L3MBTL3: variants seen among roughly 807,000 people sequenced by gnomAD.
L3MBTL3 encodes the protein lethal(3)malignant brain tumor-like protein 3.
Under a neutral mutation model 102.3 loss-of-function variants are expected in L3MBTL3, and 27 were observed. The ratio of observed to expected loss-of-function variants is 0.26; its 90% CI spans 0.19 to 0.36. The LOEUF is 0.36. Among genes scored for constraint, L3MBTL3 ranks in the 10% least tolerant of loss-of-function variants. The pLI, the probability that L3MBTL3 is intolerant of heterozygous loss-of-function variation, is 1.00. For missense variants in L3MBTL3, 798 were observed against 955.3 expected, an observed-to-expected ratio of 0.84 and a Z score of 2.17; for synonymous variants, 340 against 320.9, an observed-to-expected ratio of 1.06 and a Z score of -0.64.
intron 7 of L3MBTL3, among the ~76,000 whole-genome samples, chr6:130,054,070 C>G (rs185531310): frequency 2.6e-5 from 4 of 152,150 alleles, no homozygotes; most frequent in Non-Finnish European, 5.9e-5. Context: ...CTCTCAAAGA[C>G]GATGGCATGA....
chr6:130,073,958 TC>T (rs1216766836), intron 13 of L3MBTL3, among the ~76,000 whole-genome samples: 1 of 152,208 alleles, frequency 6.6e-6, no homozygotes, highest in Non-Finnish European at 1.5e-5. Context: ...GTTTTCTTCC[TC>T]AACATGCAGT....
intron 18 of L3MBTL3, among the ~76,000 whole-genome samples, chr6:130,102,386 T>C (rs1055090947): frequency 1.2e-4 from 18 of 152,322 alleles, no homozygotes; most frequent in African/African-American, 4.3e-4. Context: ...GAAATAACTT[T>C]TAAGTAACTT....
chr6:130,074,557 C>T (rs996812145), intron 13 of L3MBTL3, among the ~76,000 whole-genome samples: 3 of 152,250 alleles, frequency 2.0e-5, no homozygotes, highest in Non-Finnish European at 2.9e-5. Context: ...CCTCCCGCCA[C>T]TGCAGCCTCC....
rs773016164 is a variant in L3MBTL3, at chr6:130,068,380, G to A, written c.1051G>A (p.Ala351Thr). The change falls in exon 12 of 23, where the codon GCT becomes ACT. Residue 351 changes from alanine to threonine, a missense_variant. This residue lies in a region of L3MBTL3 where 434 missense variants were observed against 506.6 expected (regional missense o/e 0.86). Transcript: ENST00000361794. ...GCAGACCTATCTTAAGACATGTAAA[G>A]CTCAAGCTGCTCCTAAGTCATTATT... The part of the protein sequence containing the change: ...NWQTYLKTCK[A>T]QAAPKSLFEN... The A allele has an allele frequency of 1.1e-5, 17 of 1,605,264 alleles. No individual in the cohort carries two copies. The highest frequency in any genetic ancestry group is 1.5e-5 in the Non-Finnish European group (17 of 1,172,380).
intron 3 of L3MBTL3, among the ~76,000 whole-genome samples, chr6:130,048,955 C>CACACACACACACACAT (rs1554223349): frequency 7.0e-6 from 1 of 142,572 alleles, no homozygotes; most frequent in Non-Finnish European, 1.6e-5. Context: ...CACACACACA[C>CACACACACACACACAT]ACACACACAC....
intron 19 of L3MBTL3, among the ~76,000 whole-genome samples, chr6:130,115,845 G>T (rs375499832): frequency 7.2e-5 from 11 of 152,208 alleles, no homozygotes; most frequent in African/African-American, 2.2e-4. Flanking sequence ...AAGAAATATT[G>T]CAGTAAATGG....
At chr6:130,062,885 GTATGGACA>G (rs1781992275) in intron 10 of L3MBTL3, among the ~76,000 whole-genome samples, 1 of 150,214 alleles carries the variant, frequency 6.7e-6, no homozygotes, top group African/African-American at 2.4e-5. Context: ...AAGGTGAAAA[GTATGGACA>G]TATAAATTAC....
At chr6:130,044,305 C>G (rs552646165) in intron 3 of L3MBTL3, among the ~76,000 whole-genome samples, 1 of 152,152 alleles carries the variant, frequency 6.6e-6, no homozygotes, top group South Asian at 2.1e-4. Flanking sequence ...TTTTTTCTGG[C>G]TTTGTGACTT....
intron 2 of L3MBTL3, among the ~76,000 whole-genome samples, chr6:130,032,005 G>A (rs537252868): frequency 6.6e-6 from 1 of 152,104 alleles, no homozygotes; most frequent in South Asian, 2.1e-4. Context: ...TGAAACTCCT[G>A]GGCTCAAAGC....
At chr6:130,073,081 C>T (rs952043748) in intron 13 of L3MBTL3, among the ~76,000 whole-genome samples, 1 of 152,060 alleles carries the variant, frequency 6.6e-6, no homozygotes, top group South Asian at 2.1e-4. Flanking sequence ...TTCTGTTCCT[C>T]CTATTTACTG....
rs1467420317 is a variant in L3MBTL3 at position 130,038,451 on chromosome 6, A to G, written c.-15-4234A>G. ...CATTTGTTCTTTTACATTTTTCATA[A>G]TTGCCATTTTAATTGGGGTGAGATG... is the stretch of plus-strand genomic sequence containing the variant. On this transcript the variant is annotated intron_variant, in intron 2 of 22. Coordinates refer to ENST00000361794, the MANE Select transcript of L3MBTL3 (RefSeq NM_032438.4). Among the ~76,000 whole-genome samples the G allele has an allele frequency of 3.3e-5, 5 of 151,374 alleles. No individual in the cohort carries two copies. The East Asian group carries it at 9.7e-4, about 29-fold the overall frequency.
chr6:130,098,797 T>C (rs1181878231), intron 18 of L3MBTL3, among the ~76,000 whole-genome samples: 1 of 151,684 alleles, frequency 6.6e-6, no homozygotes, highest in Non-Finnish European at 1.5e-5. Context: ...CTGAAGTCCC[T>C]GCTCTTAACT....
chr6:130,103,115 G>A (rs1784798372), intron 18 of L3MBTL3, among the ~76,000 whole-genome samples: 1 of 152,174 alleles, frequency 6.6e-6, no homozygotes, highest in East Asian at 1.9e-4. Flanking sequence ...TTTTTTCTGG[G>A]ATGTTGGCAA....
intron 2 of L3MBTL3, among the ~76,000 whole-genome samples, chr6:130,023,927 A>T (rs1048707938): frequency 1.3e-5 from 2 of 152,196 alleles, no homozygotes; most frequent in Non-Finnish European, 2.9e-5. Flanking sequence ...TTGAGGGAAG[A>T]GACCATGCTC....
chr6:130,080,524 A>G (rs559651374), intron 14 of L3MBTL3, among the ~76,000 whole-genome samples: 203 of 152,320 alleles, frequency 1.3e-3, no homozygotes, highest in African/African-American at 4.7e-3. Context: ...TTAATTAACA[A>G]TGAACCAGTG....
chr6:130,064,283 A>G (rs557971426), intron 10 of L3MBTL3, among the ~76,000 whole-genome samples: 11 of 152,286 alleles, frequency 7.2e-5, no homozygotes, highest in African/African-American at 2.6e-4. Flanking sequence ...GAGGAAGTAA[A>G]AGGATCAGTG....
intron 16 of L3MBTL3, among the ~76,000 whole-genome samples, chr6:130,086,814 C>G (rs1320406166): frequency 6.6e-6 from 1 of 152,176 alleles, no homozygotes; most frequent in Non-Finnish European, 1.5e-5. Context: ...AAGAGCTCGT[C>G]TCTGTTTCTT....
At chr6:130,067,914 C>A (rs1487840159) in intron 11 of L3MBTL3, among the ~76,000 whole-genome samples, 1 of 152,102 alleles carries the variant, frequency 6.6e-6, no homozygotes, top group Non-Finnish European at 1.5e-5. Flanking sequence ...TGTTTCATTT[C>A]TATTATTTCC....
At chr6:130,043,351 T>C (rs1428902594) in intron 3 of L3MBTL3, among the ~76,000 whole-genome samples, 4 of 152,224 alleles carry the variant, frequency 2.6e-5, no homozygotes, top group Non-Finnish European at 5.9e-5. Context: ...TGCCTAAGTA[T>C]AGATGAGAAC....
Sources: gnomAD v4.1 joint callset for allele counts (sites outside exome capture counted in the v4.1 genomes callset) on GRCh38, gnomAD v4.1.1 for gene constraint, gnomAD v4.1.1 regional missense constraint, MANE v1.5 for transcripts, NCBI Gene and HGNC (gene_info 2026-07-23, HGNC 2026-07-21) for gene names.